LAMA2: variants seen among roughly 807,000 people sequenced by gnomAD.
The protein encoded by LAMA2 is laminin subunit alpha 2.
Under a neutral mutation model 364.8 loss-of-function variants are expected in LAMA2, and 269 were observed. The ratio of observed to expected loss-of-function variants is 0.74; its 90% CI spans 0.67 to 0.82. The LOEUF is 0.82. Among genes scored for constraint, LAMA2 ranks in the 40% least tolerant of loss-of-function variants. LAMA2 has a pLI of 0.00. For missense variants in LAMA2, 3,807 were observed against 3,873.2 expected, an observed-to-expected ratio of 0.98 and a Z score of 0.45; for synonymous variants, 1,379 against 1,370.6, an observed-to-expected ratio of 1.01 and a Z score of -0.14.
At chr6:129,485,922 A>G (rs1487392844) in intron 55 of LAMA2, among the ~76,000 whole-genome samples, 1 of 152,198 alleles carries the variant, frequency 6.6e-6, no homozygotes, top group African/African-American at 2.4e-5. Context: ...TCAAAACCAC[A>G]CTGGTTGCTA....
chr6:129,042,657 T>C (rs1172638204), intron 1 of LAMA2, among the ~76,000 whole-genome samples: 1 of 152,166 alleles, frequency 6.6e-6, no homozygotes, highest in African/African-American at 2.4e-5. Context: ...TTTATGCCTC[T>C]TCCCAGTCAG....
chr6:129,174,443 T>C (rs1780431945), intron 9 of LAMA2, among the ~76,000 whole-genome samples: 1 of 152,046 alleles, frequency 6.6e-6, no homozygotes, highest in Non-Finnish European at 1.5e-5. Context: ...ATTTCTCTTC[T>C]AACTCTTATT....
chr6:129,084,646 A>G (rs1029649352), intron 3 of LAMA2, among the ~76,000 whole-genome samples: 1 of 152,168 alleles, frequency 6.6e-6, no homozygotes, highest in Non-Finnish European at 1.5e-5. Context: ...AATGTATGTA[A>G]AATCAGCTTT....
At position 128,930,032 on chromosome 6, in the gene LAMA2, G is replaced by C. The variant is rs1015450874; in HGVS notation, c.112+46675G>C. On this transcript the variant is annotated intron_variant, in intron 1 of 64. Transcript: ENST00000421865. ...TGCCAGCCTCGGCGTTGCAGAGCAC[G>C]GGGCGCCGTGGCGCCCGCAGCCCTG... is the stretch of plus-strand genomic sequence containing the variant. 4 of 442,994 alleles carry C rather than the reference G, an allele frequency of 9.0e-6. 1 individual carries two copies. Among genetic ancestry groups the C allele is most frequent in the Middle Eastern group, 1.3e-3 (2 of 1,512 alleles). The allele number at this position is 442,994 out of a possible 1,614,324, so 27.4% of individuals were successfully genotyped here.
At chr6:129,216,636 TAAAG>T (rs1488100978) in intron 12 of LAMA2, among the ~76,000 whole-genome samples, 2 of 152,194 alleles carry the variant, frequency 1.3e-5, no homozygotes, top group African/African-American at 4.8e-5. Flanking sequence ...TTTTCATTCT[TAAAG>T]AAAATTATTA....
intron 1 of LAMA2, among the ~76,000 whole-genome samples, chr6:128,909,849 C>T (rs1777772837): frequency 6.6e-6 from 1 of 151,698 alleles, no homozygotes; most frequent in South Asian, 2.1e-4. Flanking sequence ...CAAAATCTCT[C>T]AGCATTTGCT....
intron 22 of LAMA2, among the ~76,000 whole-genome samples, chr6:129,307,487 C>T (rs1773947106): frequency 6.6e-6 from 1 of 152,194 alleles, no homozygotes; most frequent in Admixed American, 6.5e-5. Flanking sequence ...TCCTCAAACT[C>T]CACTCTTTGT....
intron 10 of LAMA2, among the ~76,000 whole-genome samples, chr6:129,179,997 CAACAAAAT>C (rs1780836165): frequency 6.6e-6 from 1 of 151,914 alleles, no homozygotes; most frequent in South Asian, 2.1e-4. Context: ...CCTAGCATTT[CAACAAAAT>C]ATGCATACAA....
intron 40 of LAMA2, 79 bp from the exon 41 acceptor site, chr6:129,427,673 T>C: frequency 1.0e-6 from 1 of 991,230 alleles, no homozygotes; most frequent in Non-Finnish European, 1.6e-6. Flanking sequence ...GCAAACTCTG[T>C]GTACCAACTG....
chr6:129,303,866 T>G (rs1288696074), intron 22 of LAMA2, among the ~76,000 whole-genome samples: 1 of 152,190 alleles, frequency 6.6e-6, no homozygotes, highest in African/African-American at 2.4e-5. Flanking sequence ...TGGTATGAAC[T>G]TATTTTTCTT....
intron 1 of LAMA2, among the ~76,000 whole-genome samples, chr6:128,972,236 G>T (rs1782229617): frequency 6.6e-6 from 1 of 152,092 alleles, no homozygotes; most frequent in Admixed American, 6.5e-5. Context: ...AAAAAAATCT[G>T]TTCTATTCAC....
intron 36 of LAMA2, among the ~76,000 whole-genome samples, chr6:129,392,422 T>A (rs1442394006): frequency 2.0e-5 from 3 of 152,174 alleles, no homozygotes; most frequent in African/African-American, 7.2e-5. Context: ...CAGCAAACCA[T>A]GTATTAACAA....
At chr6:129,426,421 C>T (rs866523076) in intron 40 of LAMA2, among the ~76,000 whole-genome samples, 29 of 151,382 alleles carry the variant, frequency 1.9e-4, no homozygotes, top group African/African-American at 5.6e-4. Context: ...AGGCTTACTT[C>T]GTGAGTTAAA....
chr6:129,064,182 T>A (rs780577345), intron 3 of LAMA2, among the ~76,000 whole-genome samples: 1 of 151,538 alleles, frequency 6.6e-6, no homozygotes, highest in Non-Finnish European at 1.5e-5. Context: ...AAACAACCAA[T>A]GGATAAAGAA....
intron 35 of LAMA2, among the ~76,000 whole-genome samples, chr6:129,383,959 T>C (rs1778840051): frequency 6.6e-6 from 1 of 152,238 alleles, no homozygotes; most frequent in South Asian, 2.1e-4. Flanking sequence ...TAAAACATTT[T>C]TCTTGCTCTG....
intron 1 of LAMA2, among the ~76,000 whole-genome samples, chr6:129,025,488 CT>C (rs1399101300): frequency 2.0e-5 from 3 of 152,104 alleles, no homozygotes; most frequent in Non-Finnish European, 4.4e-5. Flanking sequence ...CCACGTTTTG[CT>C]TTAACATATC....
chr6:129,398,628 C>G (rs181357835), intron 37 of LAMA2, among the ~76,000 whole-genome samples: 2 of 152,018 alleles, frequency 1.3e-5, no homozygotes, highest in African/African-American at 4.8e-5. Context: ...GCATGCACCA[C>G]CACACCCAGC....
chr6:129,206,433 A>G (rs935563017), intron 12 of LAMA2, among the ~76,000 whole-genome samples: 2 of 152,206 alleles, frequency 1.3e-5, no homozygotes, highest in Non-Finnish European at 2.9e-5. Flanking sequence ...ATTACAAACT[A>G]TTGCTTTTCT....
chr6:129,486,460 A>C lies in LAMA2; in HGVS notation c.7750-14A>C, dbSNP rs777725223. The C allele has an allele frequency of 2.5e-6, 4 of 1,612,778 alleles. No individual in the cohort carries two copies. Among genetic ancestry groups the C allele is most frequent in the Non-Finnish European group, 3.4e-6 (4 of 1,178,930 alleles). On this transcript the variant is annotated splice_polypyrimidine_tract_variant and intron_variant, in intron 55 of 64. Transcript: ENST00000421865. The stretch of plus-strand genomic sequence containing the variant: ...GACTTCTGTTTAATCTTCAATAACC[A>C]CTTGCTGTTGCAGGCCTATTATGCA...
Sources: allele counts gnomAD v4.1 joint callset (sites outside exome capture counted in the v4.1 genomes callset), GRCh38; gene constraint gnomAD v4.1.1; transcripts MANE v1.5; gene names NCBI Gene and HGNC (gene_info 2026-07-23, HGNC 2026-07-21).